Variants in ZDHHC20 observed in about 807,000 individuals in gnomAD.
ZDHHC20 encodes the protein zDHHC palmitoyltransferase 20.
ZDHHC20 carries 43 observed loss-of-function variants against 57.8 expected under a neutral mutation model. The observed-to-expected ratio is 0.74, with a 90% CI of 0.58 to 0.96. The LOEUF (loss-of-function observed/expected upper bound fraction) is 0.96. ZDHHC20 is among the 40% of genes least tolerant of loss of function. ZDHHC20 has a pLI of 0.00. For synonymous variants in ZDHHC20, 157 were observed against 153.0 expected (o/e 1.03, Z -0.19); for missense variants, 391 against 441.1 (o/e 0.89, Z 1.02).
intron 1 of ZDHHC20, among the ~76,000 whole-genome samples, chr13:21,445,564 C>A (rs1883605890): frequency 6.6e-6 from 1 of 152,148 alleles, no homozygotes; most frequent in African/African-American, 2.4e-5. Context: ...ATCTGAAATC[C>A]AGAAGCAACT....
chr13:21,425,725 G>T, intron 1 of ZDHHC20, 47 bp from the exon 2 acceptor site: 1 of 993,220 alleles, frequency 1.0e-6, no homozygotes, highest in South Asian at 2.1e-5. Flanking sequence ...TAAACATTTT[G>T]TATGTAAGTT....
intron 12 of ZDHHC20, among the ~76,000 whole-genome samples, chr13:21,378,081 A>C (rs1035455568): frequency 6.6e-6 from 1 of 151,902 alleles, no homozygotes; most frequent in African/African-American, 2.4e-5. Flanking sequence ...TTGCTCTGTT[A>C]CCCAGGCTGG....
At chr13:21,426,118 CCTG>C (rs1881214636) in intron 1 of ZDHHC20, among the ~76,000 whole-genome samples, 1 of 152,070 alleles carries the variant, frequency 6.6e-6, no homozygotes. Flanking sequence ...AGGAACTTAC[CCTG>C]CTAATTTTTA....
intron 12 of ZDHHC20, among the ~76,000 whole-genome samples, chr13:21,378,357 C>A (rs750892226): frequency 1.3e-5 from 2 of 152,098 alleles, no homozygotes; most frequent in Non-Finnish European, 2.9e-5. Context: ...ACCTTGCCTG[C>A]CCACCTTTTT....
Position 21,449,476 on chromosome 13 carries a change from G to A in ZDHHC20, c.118+9578C>T, listed in dbSNP as rs1025164452. Reference sequence around the variant, plus strand: ...AGTCTGGACTCCTTACATGATGACGGGAATGTCCCAAAAGAGCTAAGGCAG... The same window carrying A: ...AGTCTGGACTCCTTACATGATGACGAGAATGTCCCAAAAGAGCTAAGGCAG... On this transcript the variant is annotated intron_variant, in intron 1 of 12. Coordinates refer to ENST00000400590, the MANE Select transcript of ZDHHC20 (RefSeq NM_001330059.2). 3.9e-5 allele frequency among the ~76,000 whole-genome samples: 6 copies of A among 151,984 alleles called. No homozygotes were observed. The East Asian group carries it at 7.7e-4, about 20-fold the overall frequency.
At chr13:21,381,172 A>C (rs951461673) in intron 11 of ZDHHC20, among the ~76,000 whole-genome samples, 1 of 151,888 alleles carries the variant, frequency 6.6e-6, no homozygotes, top group Non-Finnish European at 1.5e-5. Flanking sequence ...ACGCCCGGCT[A>C]ATTTTTTATA....
At chr13:21,416,634 G>A (rs1293901334) in intron 3 of ZDHHC20, among the ~76,000 whole-genome samples, 1 of 152,178 alleles carries the variant, frequency 6.6e-6, no homozygotes, top group Non-Finnish European at 1.5e-5. Flanking sequence ...TATGATAAAA[G>A]CTCCCTTGGG....
At chr13:21,442,351 T>A (rs548605379) in intron 1 of ZDHHC20, among the ~76,000 whole-genome samples, 2 of 152,242 alleles carry the variant, frequency 1.3e-5, no homozygotes, top group South Asian at 4.1e-4. Context: ...GGGCATCTTG[T>A]AGTTTAGTCT....
In ZDHHC20 at chr13:21,459,278, G is replaced by T; in HGVS notation, c.-107C>A. The T allele has an allele frequency of 1.3e-6, 1 of 792,354 alleles. No homozygotes were observed. Among genetic ancestry groups the T allele is most frequent in the Non-Finnish European group, 1.9e-6 (1 of 526,964 alleles). The allele number at this position is 792,354 out of a possible 1,614,324, so 49.1% of individuals were successfully genotyped here. ...AGGCGGCTGCTGGTCCAGCTCCCCC[G>T]CCTCCGAGGCAGGACTTGTGGGAGC... On this transcript the variant is annotated 5_prime_UTR_variant, in exon 1 of 13. Coordinates refer to ENST00000400590, the MANE Select transcript of ZDHHC20 (RefSeq NM_001330059.2).
intron 1 of ZDHHC20, among the ~76,000 whole-genome samples, chr13:21,426,036 G>A (rs541263559): frequency 1.3e-5 from 2 of 152,300 alleles, no homozygotes; most frequent in African/African-American, 2.4e-5. Context: ...TTGTTAGTCT[G>A]TGATGTACTC....
intron 4 of ZDHHC20, among the ~76,000 whole-genome samples, chr13:21,406,328 T>C (rs1412746148): frequency 1.3e-5 from 2 of 152,232 alleles, no homozygotes; most frequent in East Asian, 1.9e-4. Context: ...TACTTACTCC[T>C]GCACATCTAA....
chr13:21,419,445 T>C (rs1880394608), intron 3 of ZDHHC20, among the ~76,000 whole-genome samples: 1 of 152,254 alleles, frequency 6.6e-6, no homozygotes, highest in South Asian at 2.1e-4. Context: ...AGCTCTAAGC[T>C]GGAGGCTACC....
intron 1 of ZDHHC20, among the ~76,000 whole-genome samples, chr13:21,444,667 G>A (rs1004322386): frequency 2.6e-5 from 4 of 152,104 alleles, no homozygotes; most frequent in Non-Finnish European, 4.4e-5. Flanking sequence ...CCTTCTCTAC[G>A]TGAAAGTTAG....
At chr13:21,406,551 C>A (rs1878475676) in intron 4 of ZDHHC20, among the ~76,000 whole-genome samples, 1 of 151,472 alleles carries the variant, frequency 6.6e-6, no homozygotes, top group South Asian at 2.1e-4. Flanking sequence ...CACCCCCCGA[C>A]AGGCCCCAGT....
intron 1 of ZDHHC20, among the ~76,000 whole-genome samples, chr13:21,445,315 G>T (rs541985198): frequency 6.6e-6 from 1 of 152,102 alleles, no homozygotes; most frequent in Non-Finnish European, 1.5e-5. Flanking sequence ...TGTATCAATT[G>T]TATGGCCTCA....
Position 21,440,068 on chromosome 13 carries a change from GAAAAAAA to G in ZDHHC20, c.119-14397_119-14391del, listed in dbSNP as rs376263181. 1.3e-4 allele frequency among the ~76,000 whole-genome samples: 12 copies of G among 89,788 alleles called. No homozygotes were observed. In the South Asian group the frequency reaches 2.3e-3, roughly 17 times the overall value. 58.9% of individuals were successfully genotyped at this position (89,788 alleles called of 152,430 possible). Reference sequence around the variant, plus strand: ...GGCGACAGAGTAAGACTGTTTCTCAGAAAAAAAAAAAAAAAAAAAAAAAAAAAAAAGA... The same window carrying G: ...GGCGACAGAGTAAGACTGTTTCTCAGAAAAAAAAAAAAAAAAAAAAAAAGA... On this transcript the variant is annotated intron_variant, in intron 1 of 12. Transcript: ENST00000400590.
At chr13:21,447,099 A>G (rs1427227130) in intron 1 of ZDHHC20, among the ~76,000 whole-genome samples, 1 of 151,934 alleles carries the variant, frequency 6.6e-6, no homozygotes, top group African/African-American at 2.4e-5. Flanking sequence ...GAGCACAGGA[A>G]GAGACAGGTT....
At chr13:21,417,649 G>C (rs1223021379) in intron 3 of ZDHHC20, among the ~76,000 whole-genome samples, 1 of 152,098 alleles carries the variant, frequency 6.6e-6, no homozygotes, top group East Asian at 1.9e-4. Flanking sequence ...ATGTTGGTCA[G>C]GCTGGTCTCG....
chr13:21,448,343 C>G (rs1884036741), intron 1 of ZDHHC20, among the ~76,000 whole-genome samples: 1 of 114,658 alleles, frequency 8.7e-6, no homozygotes, highest in Non-Finnish European at 2.0e-5. Context: ...CCCGCCCGGC[C>G]AGCCGCCCCG....
Sources: gnomAD v4.1 joint callset for allele counts (sites outside exome capture counted in the v4.1 genomes callset) on GRCh38, gnomAD v4.1.1 for gene constraint, MANE v1.5 for transcripts, NCBI Gene and HGNC (gene_info 2026-07-23, HGNC 2026-07-21) for gene names.